Variants in INO80 observed in about 807,000 individuals in gnomAD.
INO80 encodes chromatin-remodeling ATPase INO80.
In INO80, 20 loss-of-function variants were observed where a neutral mutation model predicts 203.4. That is an observed-to-expected ratio of 0.10 (90% CI 0.07 to 0.14). The LOEUF (loss-of-function observed/expected upper bound fraction) is 0.14, where lower values mean the gene tolerates loss of function less well. INO80 is among the 10% of genes least tolerant of loss of function. The pLI is 1.00. For synonymous variants in INO80, 726 were observed against 685.2 expected (o/e 1.06, Z -0.93); for missense variants, 1,419 against 1,914.4 (o/e 0.74, Z 4.83).
intron 28 of INO80, among the ~76,000 whole-genome samples, chr15:41,003,955 C>T (rs2044001246): frequency 6.6e-6 from 1 of 152,160 alleles, no homozygotes; most frequent in Admixed American, 6.5e-5. Context: ...TGTCAAGTTG[C>T]AGCTCTGAGG....
chr15:41,031,659 T>G, intron 24 of INO80, among the ~76,000 whole-genome samples: 1 of 98,792 alleles, frequency 1.0e-5, no homozygotes, highest in African/African-American at 4.3e-5. Flanking sequence ...GGAGGGAGAA[T>G]GCCATACTAT....
At chr15:41,107,144 T>G (rs574141776) in intron 1 of INO80, among the ~76,000 whole-genome samples, 1 of 152,236 alleles carries the variant, frequency 6.6e-6, no homozygotes, top group Non-Finnish European at 1.5e-5. Flanking sequence ...CTGTCAAGAT[T>G]TGCATGCCTG....
intron 5 of INO80, among the ~76,000 whole-genome samples, chr15:41,090,093 G>A (rs1325931870): frequency 6.6e-6 from 1 of 152,118 alleles, no homozygotes; most frequent in African/African-American, 2.4e-5. Flanking sequence ...TTCATGAACT[G>A]GACAATGCAT....
intron 1 of INO80, among the ~76,000 whole-genome samples, chr15:41,105,584 T>C (rs1030399075): frequency 1.3e-5 from 2 of 152,198 alleles, no homozygotes; most frequent in African/African-American, 4.8e-5. Flanking sequence ...ACTCCAAGCA[T>C]GAAGTACTTC....
At chr15:40,984,399 A>C (rs748214981) in intron 32 of INO80, 47 bp from the exon 33 acceptor site, 1 of 1,560,878 alleles carries the variant, frequency 6.4e-7, no homozygotes, top group South Asian at 1.1e-5. Flanking sequence ...GATGCACCCC[A>C]AAAGAAAAGC....
chr15:41,113,313 C>T (rs2045983309), intron 1 of INO80, among the ~76,000 whole-genome samples: 1 of 152,048 alleles, frequency 6.6e-6, no homozygotes, highest in South Asian at 2.1e-4. Context: ...TTGCACTCCA[C>T]TGGAGTGCAG....
chr15:41,022,150 T>A (rs1256776545), intron 25 of INO80, among the ~76,000 whole-genome samples: 2 of 152,196 alleles, frequency 1.3e-5, no homozygotes, highest in African/African-American at 4.8e-5. Flanking sequence ...GATTTTTGGA[T>A]AAGAGATACT....
intron 9 of INO80, among the ~76,000 whole-genome samples, chr15:41,079,494 A>G (rs2045452398): frequency 1.3e-5 from 2 of 151,002 alleles, no homozygotes; most frequent in Non-Finnish European, 3.0e-5. Flanking sequence ...TTCTGACGGT[A>G]GGAGATCAAG....
intron 21 of INO80, among the ~76,000 whole-genome samples, 159 bp from the exon 22 acceptor site, chr15:41,048,435 A>T (rs956875497): frequency 3.9e-5 from 6 of 152,230 alleles, no homozygotes; most frequent in Non-Finnish European, 5.9e-5. Context: ...CATAGCATAC[A>T]TTTAAAAAAA....
chr15:41,050,834 G>C (rs2044855889), intron 19 of INO80, among the ~76,000 whole-genome samples: 2 of 152,088 alleles, frequency 1.3e-5, no homozygotes, highest in South Asian at 4.1e-4. Flanking sequence ...TCTCAGCAAA[G>C]AAAGCCTCCA....
At position 41,073,822 on chromosome 15, in the gene INO80, A is replaced by G. The variant is rs991092710; in HGVS notation, c.1328-327T>C. 3.9e-5 allele frequency among the ~76,000 whole-genome samples: 6 copies of G among 152,328 alleles called. No individual in the cohort carries two copies. The East Asian group carries it at 1.2e-3, about 29-fold the overall frequency. On this transcript the variant is annotated intron_variant, in intron 10 of 35. Transcript: ENST00000648947. ...GATTCAAAATTTTAATATATTTATGATAGGTGAAACTATTTTAACAGGAGA... is the reference window on the plus strand; with the variant it reads ...GATTCAAAATTTTAATATATTTATGGTAGGTGAAACTATTTTAACAGGAGA...
chr15:41,013,174 G>A (rs752876938), intron 27 of INO80: 3 of 152,148 alleles, frequency 2.0e-5, no homozygotes, highest in Admixed American at 6.5e-5. Context: ...GCAACACAGA[G>A]CTTTGATACC....
chr15:41,046,206 C>CATAT (rs1160486459), intron 23 of INO80, among the ~76,000 whole-genome samples: 11 of 14,418 alleles, frequency 7.6e-4, no homozygotes, highest in African/African-American at 2.3e-3. Flanking sequence ...CGTATACATA[C>CATAT]ATATATATAT....
At chr15:41,030,665 A>G (rs2044446026) in intron 24 of INO80, among the ~76,000 whole-genome samples, 2 of 143,994 alleles carry the variant, frequency 1.4e-5, no homozygotes, top group African/African-American at 5.2e-5. Flanking sequence ...CCTGGCCAAC[A>G]TTCACTTATT....
intron 1 of INO80, among the ~76,000 whole-genome samples, chr15:41,101,678 T>C (rs1214175204): frequency 6.6e-6 from 1 of 151,104 alleles, no homozygotes; most frequent in Non-Finnish European, 1.5e-5. Context: ...GCCTCCCGAG[T>C]AGCTGGGACT....
chr15:40,990,737 CAGAAGACCAAGTTTGAACT>C (rs1454243789), intron 29 of INO80, among the ~76,000 whole-genome samples: 8 of 152,180 alleles, frequency 5.3e-5, no homozygotes, highest in Non-Finnish European at 1.0e-4. Context: ...TAAGAACTTC[CAGAAGACCAAGTTTGAACT>C]AGAAGACCAA....
At chr15:41,061,897 CAG>C (rs2045116446) in intron 14 of INO80, among the ~76,000 whole-genome samples, 2 of 152,036 alleles carry the variant, frequency 1.3e-5, no homozygotes, top group Admixed American at 1.3e-4. Flanking sequence ...AAAGAAACAA[CAG>C]AATGCAAGAT....
At chr15:41,037,110 A>T (rs1252218221) in intron 24 of INO80, among the ~76,000 whole-genome samples, 2 of 151,820 alleles carry the variant, frequency 1.3e-5, no homozygotes, top group Non-Finnish European at 2.9e-5. Context: ...CTCAAAAAAC[A>T]AAACAAAACA....
chr15:41,092,174 C>G lies in INO80; in HGVS notation c.390G>C (p.Leu130=). 1 of 1,594,636 alleles carries G rather than the reference C, an allele frequency of 6.3e-7. No individual in the cohort carries two copies. Among genetic ancestry groups the G allele is most frequent in the South Asian group, 1.1e-5 (1 of 89,988 alleles). ...CAGCCTCGCTGGATTCATCACTTAG[C>G]AGAATGCTCTGAAAAGGGTGAAAAT... The part of the protein sequence containing the change: ...KKSRKWLKSI[L]LSDESSEADS... Residue 130 remains leucine, a synonymous_variant, in exon 5 of 36, where the codon CTG becomes CTC. Transcript: ENST00000648947.
Sources: gnomAD v4.1 joint callset for allele counts (sites outside exome capture counted in the v4.1 genomes callset) on GRCh38, gnomAD v4.1.1 for gene constraint, MANE v1.5 for transcripts, NCBI Gene and HGNC (gene_info 2026-07-23, HGNC 2026-07-21) for gene names.